The following ANKFN1 variants were observed in gnomAD, a reference collection of about 807,000 sequenced individuals.
The protein encoded by ANKFN1 is ankyrin repeat and fibronectin type-III domain-containing protein 1.
A neutral mutation model predicts 108.7 loss-of-function variants in ANKFN1; 74 were observed. That is an observed-to-expected ratio of 0.68 (90% CI 0.56 to 0.83). The LOEUF (loss-of-function observed/expected upper bound fraction) is 0.83. Among genes scored for constraint, ANKFN1 ranks in the 40% least tolerant of loss-of-function variants. The probability of loss-of-function intolerance (pLI) is 0.00; values close to 1 mark genes in which losing one functional copy is unlikely to be tolerated. For synonymous variants in ANKFN1, 547 were observed against 516.2 expected (o/e 1.06, Z -0.81); for missense variants, 1,505 against 1,382.3 (o/e 1.09, Z -1.41).
intron 4 of ANKFN1, among the ~76,000 whole-genome samples, chr17:56,078,295 G>A (rs1272751162): frequency 6.6e-6 from 1 of 152,116 alleles, no homozygotes; most frequent in Non-Finnish European, 1.5e-5. Flanking sequence ...TTGAAGCCCT[G>A]GTCACCTTGG....
intron 6 of ANKFN1, among the ~76,000 whole-genome samples, chr17:56,363,790 T>C (rs769057373): frequency 1.1e-4 from 16 of 152,262 alleles, no homozygotes; most frequent in East Asian, 3.9e-4. Context: ...ATCGATGGAA[T>C]TGGAGAACAT....
Position 56,362,840 on chromosome 17 carries a change from C to G in ANKFN1, c.601+8794C>G, listed in dbSNP as rs191733345. ...TGTATTGGGAGAAAATATTTGCAAC[C>G]CGTACATCCAATAAGGGGTTAATGT... On this transcript the variant is annotated intron_variant, in intron 6 of 20. Coordinates refer to ENST00000682825, the MANE Select transcript of ANKFN1 (RefSeq NM_001370326.1). 1.5e-3 allele frequency among the ~76,000 whole-genome samples: 234 copies of G among 152,238 alleles called. 3 individuals carry two copies. Among genetic ancestry groups the G allele is most frequent in the East Asian group, 2.7e-3 (14 of 5,190 alleles).
At chr17:56,469,444 C>G (rs983587025) in intron 15 of ANKFN1, among the ~76,000 whole-genome samples, 2 of 152,122 alleles carry the variant, frequency 1.3e-5, no homozygotes, top group Non-Finnish European at 2.9e-5. Flanking sequence ...CCCACAATAA[C>G]AGGCCACAGA....
intron 18 of ANKFN1, among the ~76,000 whole-genome samples, chr17:56,491,616 T>C (rs2051042658): frequency 6.6e-6 from 1 of 152,096 alleles, no homozygotes. Flanking sequence ...ATATCATCCA[T>C]CCAGAGGGGC....
Position 56,513,727 on chromosome 17 carries a change from G to A in ANKFN1, c.*2458G>A, listed in dbSNP as rs1443432838. On this transcript the variant is annotated 3_prime_UTR_variant, in exon 21 of 21. Coordinates refer to ENST00000682825, the MANE Select transcript of ANKFN1 (RefSeq NM_001370326.1). Reference sequence around the variant, plus strand: ...TGCTATTTTATATTGGGGACATAAGGTTACTTTTTCATCTTCTGTGAGGAA... The same window carrying A: ...TGCTATTTTATATTGGGGACATAAGATTACTTTTTCATCTTCTGTGAGGAA... 6.6e-6 allele frequency among the ~76,000 whole-genome samples: 1 copy of A among 152,174 alleles called. No homozygotes were observed. Among genetic ancestry groups the A allele is most frequent in the Non-Finnish European group, 1.5e-5 (1 of 68,034 alleles).
At chr17:56,186,098 T>A (rs1355568608) in intron 1 of ANKFN1, among the ~76,000 whole-genome samples, 1 of 152,206 alleles carries the variant, frequency 6.6e-6, no homozygotes, top group East Asian at 1.9e-4. Flanking sequence ...TGTTTTGTTT[T>A]ACAAGTCTTA....
intron 4 of ANKFN1, among the ~76,000 whole-genome samples, chr17:56,065,126 G>A (rs1325133627): frequency 4.6e-5 from 7 of 152,132 alleles, no homozygotes; most frequent in Admixed American, 4.6e-4. Context: ...CTTTTCAATG[G>A]GAGCCTCAGA....
intron 3 of ANKFN1, among the ~76,000 whole-genome samples, chr17:56,294,832 A>C (rs1448765675): frequency 6.6e-6 from 1 of 152,232 alleles, no homozygotes; most frequent in Non-Finnish European, 1.5e-5. Flanking sequence ...GAATCAATGC[A>C]TACAGAACAA....
intron 3 of ANKFN1, among the ~76,000 whole-genome samples, chr17:56,261,773 C>T (rs990069468): frequency 3.5e-4 from 53 of 152,152 alleles, no homozygotes; most frequent in Admixed American, 3.3e-3. Context: ...GGTGCCCACC[C>T]GGACTGAGAG....
chr17:56,243,806 G>A (rs1408287316), intron 3 of ANKFN1, among the ~76,000 whole-genome samples: 1 of 152,006 alleles, frequency 6.6e-6, no homozygotes, highest in Admixed American at 6.6e-5. Context: ...TTTTAAATCT[G>A]GAATTAGGTT....
At chr17:56,350,711 G>A (rs1179843975) in intron 4 of ANKFN1, 55 bp from the exon 5 acceptor site, 6 of 1,499,996 alleles carry the variant, frequency 4.0e-6, no homozygotes, top group Non-Finnish European at 5.6e-6. Flanking sequence ...AAAATCATAT[G>A]TCAACTTATA....
rs556754011 is a variant in ANKFN1, at chr17:56,159,902, G to C, written c.-71+6372G>C. 2.0e-5 allele frequency among the ~76,000 whole-genome samples: 3 copies of C among 152,024 alleles called. No homozygotes were observed. In the East Asian group the frequency reaches 5.8e-4, roughly 29 times the overall value. The stretch of plus-strand genomic sequence containing the variant: ...TTATAGGATATAACCAAGGGGGCCA[G>C]GGCGGGGCAGGGGATAGGAGTAATT... On this transcript the variant is annotated intron_variant, in intron 1 of 20. Coordinates refer to ENST00000682825, the MANE Select transcript of ANKFN1 (RefSeq NM_001370326.1).
intron 3 of ANKFN1, among the ~76,000 whole-genome samples, chr17:56,276,562 T>C (rs897086126): frequency 6.6e-5 from 10 of 152,244 alleles, no homozygotes; most frequent in Non-Finnish European, 1.5e-4. Context: ...TGTGAGATGG[T>C]ATCTCATTGT....
At chr17:56,383,125 C>G (rs1039378792) in intron 8 of ANKFN1, among the ~76,000 whole-genome samples, 2 of 152,174 alleles carry the variant, frequency 1.3e-5, no homozygotes, top group Non-Finnish European at 1.5e-5. Context: ...TTATAACAAA[C>G]TGTCTCTCAG....
intron 1 of ANKFN1, among the ~76,000 whole-genome samples, chr17:56,203,239 C>G (rs896237211): frequency 1.3e-5 from 2 of 152,172 alleles, no homozygotes; most frequent in Non-Finnish European, 2.9e-5. Flanking sequence ...TATCTAAGAT[C>G]TCCACGGGAC....
chr17:56,491,032 G>A (rs1388652158), intron 18 of ANKFN1, among the ~76,000 whole-genome samples: 3 of 152,128 alleles, frequency 2.0e-5, no homozygotes, highest in Non-Finnish European at 4.4e-5. Context: ...TCCTCATTGA[G>A]GTGTAGAGAT....
intron 4 of ANKFN1, among the ~76,000 whole-genome samples, chr17:56,110,081 G>T (rs375806166): frequency 2.7e-4 from 41 of 152,224 alleles, no homozygotes; most frequent in Non-Finnish European, 5.0e-4. Context: ...AATATTGTTG[G>T]CCAGTTGAAG....
rs543225846 is a variant in ANKFN1, at chr17:56,273,485, T to G, written c.53+45528T>G. Among the ~76,000 whole-genome samples the G allele has an allele frequency of 3.9e-5, 6 of 152,280 alleles. No homozygotes were observed. In the South Asian group the frequency reaches 1.2e-3, roughly 32 times the overall value. Reference sequence around the variant, plus strand: ...TTTCTAAGTTAAAAACAATGGAAATTTTTAAGGATTTTGATAATATTGTCA... The same window carrying G: ...TTTCTAAGTTAAAAACAATGGAAATGTTTAAGGATTTTGATAATATTGTCA... On this transcript the variant is annotated intron_variant, in intron 3 of 20. Transcript: ENST00000682825.
intron 3 of ANKFN1, among the ~76,000 whole-genome samples, chr17:56,284,150 T>C: frequency 6.6e-6 from 1 of 152,190 alleles, no homozygotes; most frequent in Admixed American, 6.5e-5. Context: ...CAAACACTCA[T>C]GTTCATGTAT....
Sources: gnomAD v4.1 joint callset for allele counts (sites outside exome capture counted in the v4.1 genomes callset) on GRCh38, gnomAD v4.1.1 for gene constraint, MANE v1.5 for transcripts, NCBI Gene and HGNC (gene_info 2026-07-23, HGNC 2026-07-21) for gene names.